PRKRIP1: variants seen among roughly 807,000 people sequenced by gnomAD.
PRKRIP1 encodes the protein PRKR interacting protein 1, also known as PRKR-interacting protein 1.
In PRKRIP1, 29 loss-of-function variants were observed where a neutral mutation model predicts 29.3. That is an observed-to-expected ratio of 0.99 (90% CI 0.74 to 1.35). The LOEUF is 1.35. PRKRIP1 is among the 40% of genes most tolerant of loss of function. The pLI is 0.00. For synonymous variants in PRKRIP1, 90 were observed against 85.1 expected (o/e 1.06, Z -0.32); for missense variants, 247 against 236.8 (o/e 1.04, Z -0.28).
rs782376554 is a variant in PRKRIP1 at position 102,404,684 on chromosome 7, G to A, written c.392+1G>A. ...AGACCGCAAAGCGCCGGAAGAAGCG[G>A]TAAGCGGCATGGCCTAACTGTGATG... is the stretch of plus-strand genomic sequence containing the variant. On this transcript the variant is annotated splice_donor_variant, in intron 4 of 5. Coordinates refer to ENST00000397912, the MANE Select transcript of PRKRIP1 (RefSeq NM_024653.4). LOFTEE classifies it high-confidence loss of function. 4 of 1,612,812 alleles carry A rather than the reference G, an allele frequency of 2.5e-6. No homozygotes were observed. The highest frequency in any genetic ancestry group is 1.7e-5 in the Admixed American group (1 of 59,926).
chr7:102,402,708 AG>A (rs1351936764), intron 3 of PRKRIP1, among the ~76,000 whole-genome samples: 10 of 152,112 alleles, frequency 6.6e-5, no homozygotes, highest in Admixed American at 4.6e-4. Flanking sequence ...TTTAAAAAAA[AG>A]GCAAGCACGT....
At chr7:102,419,615 C>T (rs1316164806) in intron 5 of PRKRIP1, among the ~76,000 whole-genome samples, 34 of 152,268 alleles carry the variant, frequency 2.2e-4, no homozygotes, top group Admixed American at 1.9e-3. Flanking sequence ...GTGGTTCTGC[C>T]TTCTCCACAC....
At chr7:102,400,407 G>A (rs1287220419) in intron 3 of PRKRIP1, among the ~76,000 whole-genome samples, 1 of 152,062 alleles carries the variant, frequency 6.6e-6, no homozygotes, top group Non-Finnish European at 1.5e-5. Flanking sequence ...ACAGCAACTG[G>A]GATGAATCTT....
At chr7:102,415,919 C>G (rs1490803144) in intron 5 of PRKRIP1, among the ~76,000 whole-genome samples, 2 of 152,264 alleles carry the variant, frequency 1.3e-5, no homozygotes, top group Non-Finnish European at 2.9e-5. Flanking sequence ...TCACTCCCTT[C>G]CACATGCCCC....
intron 3 of PRKRIP1, among the ~76,000 whole-genome samples, chr7:102,401,083 G>T (rs1315625654): frequency 6.6e-6 from 1 of 152,156 alleles, no homozygotes; most frequent in African/African-American, 2.4e-5. Flanking sequence ...AAAAAATGAT[G>T]AATTAGTGGA....
chr7:102,401,585 T>C (rs1303144591), intron 3 of PRKRIP1, among the ~76,000 whole-genome samples: 1 of 151,992 alleles, frequency 6.6e-6, no homozygotes, highest in East Asian at 1.9e-4. Flanking sequence ...AATACAAAAT[T>C]AGCCGGGCGT....
chr7:102,416,124 C>T (rs1445398143), intron 5 of PRKRIP1, among the ~76,000 whole-genome samples: 1 of 152,246 alleles, frequency 6.6e-6, no homozygotes, highest in Non-Finnish European at 1.5e-5. Flanking sequence ...GCCAGCCTGC[C>T]CCATGGGGTT....
chr7:102,399,711 G>GA, intron 3 of PRKRIP1, 63 bp downstream of exon 3: 2 of 1,360,396 alleles, frequency 1.5e-6, no homozygotes, highest in Non-Finnish European at 2.1e-6. Flanking sequence ...ACTTTCTTTA[G>GA]AAAAAAGCAT....
intron 3 of PRKRIP1, among the ~76,000 whole-genome samples, chr7:102,402,326 T>A (rs1796094974): frequency 6.6e-6 from 1 of 151,858 alleles, no homozygotes; most frequent in South Asian, 2.1e-4. Context: ...TAGTCCCAGC[T>A]GCTTGGGAGG....
intron 5 of PRKRIP1, among the ~76,000 whole-genome samples, chr7:102,423,594 C>T (rs1134521): frequency 0.24 from 37,121 of 151,932 alleles, 4,741 homozygotes; most frequent in East Asian, 0.35. Context: ...ACCTCATAGA[C>T]TATTGTAAGA....
chr7:102,405,931 G>A (rs907171009), intron 4 of PRKRIP1: 3 of 337,346 alleles, frequency 8.9e-6, no homozygotes, highest in Non-Finnish European at 1.8e-5. Context: ...AGCATTTTCT[G>A]CATCCCGCTG....
chr7:102,400,469 T>C (rs1796035968), intron 3 of PRKRIP1, among the ~76,000 whole-genome samples: 1 of 152,178 alleles, frequency 6.6e-6, no homozygotes, highest in African/African-American at 2.4e-5. Flanking sequence ...TATTGTGTAA[T>C]TTCATTTATA....
chr7:102,419,845 TTGTGTG>T (rs56752508), intron 5 of PRKRIP1, among the ~76,000 whole-genome samples: 9,369 of 142,666 alleles, frequency 0.066, 313 homozygotes, highest in South Asian at 0.088. Context: ...TTTTGTGTTT[TTGTGTG>T]TGTGTGTGTG....
Position 102,402,743 on chromosome 7 carries a change from C to G in PRKRIP1, c.307-1855C>G, listed in dbSNP as rs560682419. On this transcript the variant is annotated intron_variant, in intron 3 of 5. Coordinates refer to ENST00000397912, the MANE Select transcript of PRKRIP1 (RefSeq NM_024653.4). ...GTCCTCATTTTTTAGTGACAGATCA[C>G]CTCCATCAGAGCCCAGTCCCACTCA... 3.9e-5 allele frequency among the ~76,000 whole-genome samples: 6 copies of G among 152,252 alleles called. No homozygotes were observed. In the South Asian group the frequency reaches 1.2e-3, roughly 32 times the overall value.
intron 5 of PRKRIP1, among the ~76,000 whole-genome samples, chr7:102,424,332 C>T (rs1402404549): frequency 2.6e-5 from 4 of 152,248 alleles, no homozygotes; most frequent in East Asian, 1.9e-4. Flanking sequence ...TGCCTGCGGC[C>T]GGCGTCCTGG....
In PRKRIP1 at chr7:102,407,897, C is replaced by G. The variant is rs539575343; in HGVS notation, c.457+399C>G. Among the ~76,000 whole-genome samples the G allele has an allele frequency of 7.2e-5, 11 of 152,278 alleles. No individual in the cohort carries two copies. In the South Asian group the frequency reaches 2.3e-3, roughly 32 times the overall value. On this transcript the variant is annotated intron_variant, in intron 5 of 5. Coordinates refer to ENST00000397912, the MANE Select transcript of PRKRIP1 (RefSeq NM_024653.4). ...CCAGGAGGGAAAATTGAGAGGATGT[C>G]TCAGCTTTCCTAGCAAAAGTCTTTT...
At position 102,412,710 on chromosome 7, in the gene PRKRIP1, G is replaced by T. The variant is rs187784027; in HGVS notation, c.457+5212G>T. Among the ~76,000 whole-genome samples the T allele has an allele frequency of 3.9e-5, 6 of 152,290 alleles. No individual in the cohort carries two copies. The East Asian group carries it at 1.2e-3, about 29-fold the overall frequency. The stretch of plus-strand genomic sequence containing the variant: ...CGCCCCAAGGTGGCTTTGGTGCGCC[G>T]TGGGTCCTGGATGGACTCAGAGGCA... On this transcript the variant is annotated intron_variant, in intron 5 of 5. Coordinates refer to ENST00000397912, the MANE Select transcript of PRKRIP1 (RefSeq NM_024653.4).
At chr7:102,424,842 T>C (rs1312899929) in intron 5 of PRKRIP1, among the ~76,000 whole-genome samples, 172 bp from the exon 6 acceptor site, 1 of 152,116 alleles carries the variant, frequency 6.6e-6, no homozygotes, top group Non-Finnish European at 1.5e-5. Context: ...TGAGCCACCC[T>C]TACTCCTGGG....
intron 2 of PRKRIP1, 58 bp downstream of exon 2, chr7:102,397,756 T>C: frequency 6.5e-7 from 1 of 1,540,886 alleles, no homozygotes; most frequent in East Asian, 2.3e-5. Flanking sequence ...TTTTTTAAGG[T>C]AGCTATAGGC....
Sources: allele counts gnomAD v4.1 joint callset (sites outside exome capture counted in the v4.1 genomes callset), GRCh38; gene constraint gnomAD v4.1.1; transcripts MANE v1.5; gene names NCBI Gene and HGNC (gene_info 2026-07-23, HGNC 2026-07-21).